RBAK: variants seen among roughly 807,000 people sequenced by gnomAD.
RBAK encodes the protein RB-associated KRAB zinc finger protein.
In RBAK, 39 loss-of-function variants were observed where a neutral mutation model predicts 65.8. The ratio of observed to expected loss-of-function variants is 0.59; its 90% CI spans 0.46 to 0.77. RBAK has a LOEUF of 0.77. RBAK is among the 30% of genes least tolerant of loss of function. RBAK has a pLI of 0.00. For missense variants in RBAK, 884 were observed against 855.1 expected (o/e 1.03, Z -0.42); for synonymous variants, 343 against 289.7 (o/e 1.18, Z -1.87).
chr7:5,047,159 G>C (rs953052758), intron 1 of RBAK, among the ~76,000 whole-genome samples: 3 of 152,140 alleles, frequency 2.0e-5, no homozygotes, highest in Non-Finnish European at 4.4e-5. Context: ...AGCACTTTGC[G>C]GGGGCTAAGG....
At chr7:5,057,641 G>A in intron 3 of RBAK, 43 bp from the exon 4 acceptor site, 1 of 1,612,154 alleles carries the variant, frequency 6.2e-7, no homozygotes. Flanking sequence ...AGATTCTGAA[G>A]CCAAGCAGCT....
chr7:5,051,229 A>G (rs1788108442), intron 2 of RBAK, among the ~76,000 whole-genome samples: 1 of 152,182 alleles, frequency 6.6e-6, no homozygotes, highest in Non-Finnish European at 1.5e-5. Flanking sequence ...TTTTCAGAAA[A>G]ATTGCACGGA....
At chr7:5,059,728 G>C (rs1292121261) in intron 4 of RBAK, among the ~76,000 whole-genome samples, 1 of 152,120 alleles carries the variant, frequency 6.6e-6, no homozygotes, top group Admixed American at 6.5e-5. Flanking sequence ...ACCTCAAAAA[G>C]TTAGATATGA....
intron 2 of RBAK, among the ~76,000 whole-genome samples, chr7:5,055,508 C>T (rs1788209200): frequency 6.6e-6 from 1 of 151,904 alleles, no homozygotes; most frequent in Non-Finnish European, 1.5e-5. Context: ...TTCACGGATA[C>T]AAGATTTTTC....
In RBAK at chr7:5,063,801, G is replaced by C; in HGVS notation, c.345G>C (p.Glu115Asp). ...INSKTLTEEK[E>D]NTFSQIYMET... ...GCAAAACCCTGACTGAAGAGAAAGAGAATACATTTAGTCAAATTTACATGG... is the reference window on the plus strand; with the variant it reads ...GCAAAACCCTGACTGAAGAGAAAGACAATACATTTAGTCAAATTTACATGG... The change falls in exon 5 of 5, where the codon GAG becomes GAC. Residue 115 changes from glutamate to aspartate, a missense_variant. Physicochemically the swap from Glu to Asp is conservative, Grantham distance 45. Transcript: ENST00000396912. 1 of 1,613,892 alleles carries C rather than the reference G, an allele frequency of 6.2e-7. No homozygotes were observed. The highest frequency in any genetic ancestry group is 8.5e-7 in the Non-Finnish European group (1 of 1,179,900).
At position 5,065,595 on chromosome 7, in the gene RBAK, T is replaced by C; in HGVS notation, c.2139T>C (p.Asn713=). 3 of 1,505,736 alleles carry C rather than the reference T, an allele frequency of 2.0e-6. No individual in the cohort carries two copies. The highest frequency in any genetic ancestry group is 1.4e-5 in the African/African-American group (1 of 71,548). The allele number at this position is 1,505,736 out of a possible 1,614,324, so 93.3% of individuals were successfully genotyped here. ...RGNMNVLDVE[N]L ...ATATGAACGTACTTGATGTGGAAAA[T>C]CTCTGAAGTCAGATCTCAATTTTTA... The change falls in exon 5 of 5, where the codon AAT becomes AAC. Residue 713 remains asparagine, a synonymous_variant. Transcript: ENST00000396912. The surrounding 1 kb of genome is among the most constrained non-coding windows in gnomAD (Gnocchi z 5.3).
Position 5,057,346 on chromosome 7 carries a change from C to A in RBAK, c.67C>A (p.Gln23Lys). The A allele has an allele frequency of 6.2e-7, 1 of 1,613,992 alleles. No individual in the cohort carries two copies. ...VAVDFTQEEW[Q>K]QLDPDEKITY... ...TGTGGATTTCACCCAGGAGGAGTGG[C>A]AGCAGCTGGACCCTGATGAGAAGAT... Residue 23 changes from glutamine (Q) to lysine (K), a missense_variant, in exon 3 of 5, where the codon CAG (glutamine) becomes AAG (lysine). Physicochemically the swap from Gln to Lys is moderately conservative, Grantham distance 53. Coordinates refer to ENST00000396912, the MANE Select transcript of RBAK (RefSeq NM_021163.4).
intron 1 of RBAK, among the ~76,000 whole-genome samples, chr7:5,047,581 C>G (rs1287930861): frequency 6.7e-6 from 1 of 149,532 alleles, no homozygotes; most frequent in African/African-American, 2.5e-5. Context: ...CATGCTTCGC[C>G]TATCACTCTT....
rs145054571 is a variant in RBAK, at chr7:5,060,547, T to G, written c.238+2768T>G. On this transcript the variant is annotated intron_variant, in intron 4 of 4. Transcript: ENST00000396912. Reference sequence around the variant, plus strand: ...TATTTTAAAATGTAAGGGAAAGAGATTCAATGAACTGGGAAGAGATTTGAT... The same window carrying G: ...TATTTTAAAATGTAAGGGAAAGAGAGTCAATGAACTGGGAAGAGATTTGAT... Among the ~76,000 whole-genome samples, 895 of 152,226 alleles carry G rather than the reference T, an allele frequency of 5.9e-3. 4 individuals carry two copies. Among genetic ancestry groups the G allele is most frequent in the African/African-American group, 0.02 (840 of 41,538 alleles).
At chr7:5,062,338 TC>T (rs892569045) in intron 4 of RBAK, among the ~76,000 whole-genome samples, 2 of 152,072 alleles carry the variant, frequency 1.3e-5, no homozygotes, top group Non-Finnish European at 1.5e-5. Context: ...AAGCTGGGCG[TC>T]CGGGGGAGAC....
chr7:5,057,871 G>A (rs543577416), intron 4 of RBAK, 92 bp downstream of exon 4: 21 of 1,336,648 alleles, frequency 1.6e-5, no homozygotes, highest in Non-Finnish European at 2.2e-5. Flanking sequence ...AGTACCCTCA[G>A]TAACACCTCC....
At chr7:5,052,872 G>A (rs1231651268) in intron 2 of RBAK, among the ~76,000 whole-genome samples, 1 of 152,060 alleles carries the variant, frequency 6.6e-6, no homozygotes, top group Non-Finnish European at 1.5e-5. Flanking sequence ...TGATTCTCCT[G>A]CCTCAGCCTC....
intron 1 of RBAK, among the ~76,000 whole-genome samples, chr7:5,047,158 C>T (rs1788006289): frequency 6.6e-6 from 1 of 152,092 alleles, no homozygotes; most frequent in Admixed American, 6.5e-5. Flanking sequence ...CAGCACTTTG[C>T]GGGGGCTAAG....
In RBAK at chr7:5,065,720, T is replaced by TA. The variant is rs1779202507; in HGVS notation, c.*120dup. On this transcript the variant is annotated 3_prime_UTR_variant, in exon 5 of 5. Coordinates refer to ENST00000396912, the MANE Select transcript of RBAK (RefSeq NM_021163.4). This position sits in a 1 kb window ranked among gnomAD's most constrained non-coding sequence, Gnocchi z 5.3. Reference sequence around the variant, plus strand: ...TGAACGGTGAGAAGCATTTAGGCATTAGAGTCATTTTAATCCAAATTTTCA... The same window carrying TA: ...TGAACGGTGAGAAGCATTTAGGCATTAAGAGTCATTTTAATCCAAATTTTCA... 3 of 680,366 alleles carry TA rather than the reference T, an allele frequency of 4.4e-6. No homozygotes were observed. In the East Asian group the frequency reaches 9.3e-5, roughly 21 times the overall value. The allele number at this position is 680,366 out of a possible 1,614,324, so 42.1% of individuals were successfully genotyped here. A position where few individuals can be genotyped will look rare whatever the true frequency, so the allele number is the denominator to read the frequency against.
At chr7:5,057,261 G>T in intron 2 of RBAK, 34 bp from the exon 3 acceptor site, 1 of 1,613,440 alleles carries the variant, frequency 6.2e-7, no homozygotes, top group Non-Finnish European at 8.5e-7. Flanking sequence ...TCCCTTTTCC[G>T]TATCTCCCAA....
rs1779160467 is a variant in RBAK at position 5,064,330 on chromosome 7, A to C, written c.874A>C (p.Asn292His). ...CACAGGAGAGAAACCTTATGAATGT[A>C]ATGTATGTGGGAAATCCTTCAGCCA... ...AHTGEKPYEC[N>H]VCGKSFSQKG... Residue 292 changes from asparagine (N) to histidine (H), a missense_variant, in exon 5 of 5, where the codon AAT becomes CAT. Transcript: ENST00000396912. This position sits in a 1 kb window ranked among gnomAD's most constrained non-coding sequence, Gnocchi z 6.3. The C allele has an allele frequency of 6.2e-7, 1 of 1,614,154 alleles. No individual in the cohort carries two copies. The highest frequency in any genetic ancestry group is 2.2e-5 in the East Asian group (1 of 44,882).
rs1303967402 is a variant in RBAK, at chr7:5,064,779, G to C, written c.1323G>C (p.Val441=). Residue 441 remains valine (V), a synonymous_variant, in exon 5 of 5, where the codon GTG becomes GTC. Transcript: ENST00000396912. The surrounding 1 kb of genome is among the most constrained non-coding windows in gnomAD (Gnocchi z 6.3). ...AGTGTGGGAAATTCTTTTCTCGGGT[G>C]TCATACCTCACTATACATTATAGAA... ...CSECGKFFSR[V]SYLTIHYRSH... is the part of the protein sequence containing the mutation. The C allele has an allele frequency of 3.1e-6, 5 of 1,614,046 alleles. No individual in the cohort carries two copies. In the Admixed American group the frequency reaches 6.7e-5, roughly 22 times the overall value.
In RBAK at chr7:5,065,496, A is replaced by G. The variant is rs61759880; in HGVS notation, c.2040A>G (p.Glu680=). The G allele has an allele frequency of 2.8e-3, 4,555 of 1,605,488 alleles. 17 individuals are homozygous for G. Among genetic ancestry groups the G allele is most frequent in the Non-Finnish European group, 3.6e-3 (4,225 of 1,174,072 alleles). Residue 680 remains glutamate (E), a synonymous_variant, in exon 5 of 5, where the codon GAA becomes GAG. Transcript: ENST00000396912. This position sits in a 1 kb window ranked among gnomAD's most constrained non-coding sequence, Gnocchi z 5.3. ...CTCATTCAGGAGAGAAACCCTATGA[A>G]TGTAACGAGTGTGGGAAAAAATTCC... ...YRTHSGEKPY[E]CNECGKKFHH... is the part of the protein sequence containing the mutation.
intron 1 of RBAK, among the ~76,000 whole-genome samples, chr7:5,047,541 G>A (rs113252940): frequency 9.5e-4 from 141 of 149,196 alleles, no homozygotes; most frequent in African/African-American, 3.2e-3. Flanking sequence ...ATTACTACCT[G>A]ATTATCTTAG....
Sources: allele counts gnomAD v4.1 joint callset (sites outside exome capture counted in the v4.1 genomes callset), GRCh38; gene constraint gnomAD v4.1.1; non-coding constraint Gnocchi (gnomAD v3.1); transcripts MANE v1.5; gene names NCBI Gene and HGNC (gene_info 2026-07-23, HGNC 2026-07-21).